Variants in ATP11C observed in about 807,000 individuals in gnomAD.
ATP11C encodes the protein phospholipid-transporting ATPase IG.
A neutral mutation model predicts 97.4 loss-of-function variants in ATP11C; 36 were observed. That is an observed-to-expected ratio of 0.37 (90% confidence interval 0.28 to 0.49). ATP11C has a LOEUF of 0.49. ATP11C is among the 20% of genes least tolerant of loss of function. The probability of loss-of-function intolerance (pLI) is 0.98; values close to 1 mark genes in which losing one functional copy is unlikely to be tolerated. For missense variants in ATP11C, 730 were observed against 824.6 expected (o/e 0.89, Z 1.40); for synonymous variants, 275 against 290.9 (o/e 0.95, Z 0.56).
intron 18 of ATP11C, among the ~76,000 whole-genome samples, chrX:139,781,894 A>G (rs892425079): frequency 4.5e-5 from 5 of 111,620 alleles, no homozygotes; most frequent in African/African-American, 1.6e-4. Flanking sequence ...AGCTCAAACA[A>G]TGGCTGTAGT....
At chrX:139,926,792 A>G (rs1208964954) in intron 1 of ATP11C, among the ~76,000 whole-genome samples, 1 of 112,624 alleles carries the variant, frequency 8.9e-6, no homozygotes, top group African/African-American at 3.2e-5. Flanking sequence ...CTTAGTCACT[A>G]AAAGGTAGAT....
chrX:139,805,914 T>C (rs2083031763), intron 5 of ATP11C, among the ~76,000 whole-genome samples: 1 of 112,610 alleles, frequency 8.9e-6, no homozygotes, highest in Non-Finnish European at 1.9e-5. Flanking sequence ...TTTTATTTTG[T>C]TGGATTGTTC....
chrX:139,852,843 G>A (rs2084020588), intron 1 of ATP11C, among the ~76,000 whole-genome samples: 2 of 111,017 alleles, frequency 1.8e-5, no homozygotes, highest in South Asian at 7.7e-4. Context: ...AGTGTGCAAA[G>A]GACCTTCAGA....
At position 139,932,244 on chromosome X, in the gene ATP11C, G is replaced by C. The variant is rs2040042416; in HGVS notation, c.-202C>G. ...CCGCCCGCAGCCTAGCCGCCGCCCC[G>C]CCTCACTCGCGGCCCGCCCCCGGCC... On this transcript the variant is annotated 5_prime_UTR_variant, in exon 1 of 30. Transcript: ENST00000682941. 7.1e-6 allele frequency: 1 copy of C among 141,639 alleles called. No homozygotes were observed. Among genetic ancestry groups the C allele is most frequent in the African/African-American group, 3.3e-5 (1 of 30,451 alleles). The allele number at this position is 141,639 out of a possible 1,213,427, so 11.7% of individuals were successfully genotyped here. A position where few individuals can be genotyped will look rare whatever the true frequency, so the allele number is the denominator to read the frequency against.
intron 29 of ATP11C, among the ~76,000 whole-genome samples, chrX:139,730,096 AAT>A (rs1235465103): frequency 8.9e-6 from 1 of 111,970 alleles, no homozygotes; most frequent in East Asian, 2.8e-4. Flanking sequence ...TTGGAGGAGA[AAT>A]AATGCCACAT....
intron 20 of ATP11C, among the ~76,000 whole-genome samples, chrX:139,766,586 C>CTGTG (rs750104413): frequency 9.1e-6 from 1 of 109,338 alleles, no homozygotes; most frequent in Non-Finnish European, 1.9e-5. Context: ...ATGATGGGCG[C>CTGTG]TGTGTGTGTG....
chrX:139,928,243 C>T (rs973750688), intron 1 of ATP11C, among the ~76,000 whole-genome samples: 3 of 111,434 alleles, frequency 2.7e-5, no homozygotes, highest in Non-Finnish European at 3.8e-5. Flanking sequence ...ACTGCTAAAC[C>T]TAGACCTCTA....
At chrX:139,810,059 T>C (rs948178132) in intron 5 of ATP11C, among the ~76,000 whole-genome samples, 5 of 112,316 alleles carry the variant, frequency 4.5e-5, no homozygotes, top group Non-Finnish European at 9.4e-5. Flanking sequence ...TTGTGGGCTT[T>C]ATAAAATGTA....
At chrX:139,776,604 G>T (rs2082354433) in intron 18 of ATP11C, among the ~76,000 whole-genome samples, 1 of 111,088 alleles carries the variant, frequency 9.0e-6, no homozygotes, top group Non-Finnish European at 1.9e-5. Context: ...CCAAGACCCA[G>T]CATACCCCAA....
chrX:139,789,700 G>A (rs2082648553), intron 12 of ATP11C, among the ~76,000 whole-genome samples: 1 of 111,733 alleles, frequency 8.9e-6, no homozygotes, highest in Non-Finnish European at 1.9e-5. Flanking sequence ...CATGTCTAAG[G>A]TAGATCTACT....
intron 7 of ATP11C, 55 bp from the exon 8 acceptor site, chrX:139,800,165 T>C: frequency 2.3e-6 from 2 of 870,172 alleles, no homozygotes; most frequent in Non-Finnish European, 1.7e-6. Context: ...GAAATCCATG[T>C]ACCAGAAATA....
chrX:139,880,153 T>C (rs1368486848), intron 1 of ATP11C, among the ~76,000 whole-genome samples: 1 of 111,415 alleles, frequency 9.0e-6, no homozygotes, highest in Non-Finnish European at 1.9e-5. Flanking sequence ...AAGAAGTTAT[T>C]ACCTCAAGAT....
chrX:139,891,344 A>G (rs770268986), intron 1 of ATP11C, among the ~76,000 whole-genome samples: 31 of 111,648 alleles, frequency 2.8e-4, no homozygotes, highest in Non-Finnish European at 5.1e-4. Flanking sequence ...GCAAGCCCCC[A>G]TAAGTTTAAC....
At position 139,918,927 on chromosome X, in the gene ATP11C, T is replaced by C. The variant is rs1196440376; in HGVS notation, c.27+13089A>G. On this transcript the variant is annotated intron_variant, in intron 1 of 29. Transcript: ENST00000682941. Reference sequence around the variant, plus strand: ...TTAAAGAAAGATGGTAAGTTTTAGGTGTTTTCTTTACAATTAAAAATACTA... The same window carrying C: ...TTAAAGAAAGATGGTAAGTTTTAGGCGTTTTCTTTACAATTAAAAATACTA... 2.7e-5 allele frequency among the ~76,000 whole-genome samples: 3 copies of C among 111,283 alleles called. No homozygotes were observed. In the Admixed American group the frequency reaches 2.9e-4, roughly 11 times the overall value.
intron 12 of ATP11C, among the ~76,000 whole-genome samples, chrX:139,793,700 G>A (rs2082738431): frequency 9.0e-6 from 1 of 111,361 alleles, no homozygotes; most frequent in Admixed American, 9.6e-5. Context: ...AAAAAATAAA[G>A]CTCAATAATA....
At chrX:139,900,121 A>T (rs1181740710) in intron 1 of ATP11C, among the ~76,000 whole-genome samples, 1 of 111,749 alleles carries the variant, frequency 8.9e-6, no homozygotes, top group Non-Finnish European at 1.9e-5. Context: ...CTGTAATCCC[A>T]GCACTTTGGG....
chrX:139,918,171 A>G (rs1367707140), intron 1 of ATP11C, among the ~76,000 whole-genome samples: 1 of 111,438 alleles, frequency 9.0e-6, no homozygotes, highest in African/African-American at 3.3e-5. Context: ...TGAAAGCACA[A>G]TCTCGAAGAG....
intron 1 of ATP11C, among the ~76,000 whole-genome samples, chrX:139,897,107 G>A (rs1379883524): frequency 1.8e-5 from 2 of 108,840 alleles, no homozygotes; most frequent in African/African-American, 3.3e-5. Context: ...CATGCCTGTG[G>A]TCCCAGCTAC....
chrX:139,815,794 C>G (rs750407447), intron 4 of ATP11C, among the ~76,000 whole-genome samples: 33 of 110,837 alleles, frequency 3.0e-4, no homozygotes, highest in African/African-American at 9.9e-4. Context: ...CGCCTCCCCC[C>G]ACTTTTTCCC....
Sources: allele counts gnomAD v4.1 joint callset (sites outside exome capture counted in the v4.1 genomes callset), GRCh38; gene constraint gnomAD v4.1.1; transcripts MANE v1.5; gene names NCBI Gene and HGNC (gene_info 2026-07-23, HGNC 2026-07-21).